The following SIRT3 variants were observed in gnomAD, a reference collection of about 807,000 sequenced individuals.
The protein encoded by SIRT3 is NAD-dependent protein deacetylase sirtuin-3, mitochondrial.
In SIRT3, 26 loss-of-function variants were observed where a neutral mutation model predicts 33.5. The observed-to-expected ratio is 0.78, with a 90% CI of 0.57 to 1.08. SIRT3 has a LOEUF of 1.08. Among genes scored for constraint, SIRT3 ranks in the 50% least tolerant of loss-of-function variants. The pLI, the probability that SIRT3 is intolerant of heterozygous loss-of-function variation, is 0.00. For synonymous variants in SIRT3, 237 were observed against 222.1 expected, an observed-to-expected ratio of 1.07 and a Z score of -0.60; for missense variants, 585 against 530.1, an observed-to-expected ratio of 1.10 and a Z score of -1.02.
At chr11:218,178 G>C (rs949609304) in intron 6 of SIRT3, among the ~76,000 whole-genome samples, 14 of 152,196 alleles carry the variant, frequency 9.2e-5, no homozygotes, top group Admixed American at 5.9e-4. Flanking sequence ...ATCCCCTTTG[G>C]ACAGTGTTAC....
chr11:235,940 G>T (rs1269689693), intron 1 of SIRT3, 108 bp downstream of exon 1: 5 of 1,245,028 alleles, frequency 4.0e-6, no homozygotes, highest in Non-Finnish European at 5.3e-6. Context: ...GTGTTGGAAC[G>T]CACGTAAACT....
At chr11:231,137 A>AG (rs1857932950) in intron 3 of SIRT3, among the ~76,000 whole-genome samples, 3 of 151,694 alleles carry the variant, frequency 2.0e-5, no homozygotes, top group Admixed American at 2.0e-4. Flanking sequence ...AAAAAAAAAA[A>AG]AAAATTACAC....
At chr11:221,949 TA>T (rs2133824722) in intron 5 of SIRT3, among the ~76,000 whole-genome samples, 1 of 152,084 alleles carries the variant, frequency 6.6e-6, no homozygotes, top group African/African-American at 2.4e-5. Context: ...TTGGTGGGAT[TA>T]AAAAGTTGAT....
chr11:236,103 GCA>G lies in SIRT3; in HGVS notation c.224_225del (p.Val75AlafsTer21), dbSNP rs1458104411. 3.2e-6 allele frequency: 5 copies of G among 1,579,086 alleles called. No homozygotes were observed. In the African/African-American group the frequency reaches 6.8e-5, roughly 21 times the overall value. ...CTCGGCTGCCTCCGGAATGCCCTGG[GCA>G]CCTCGGGTCTGGGAGGCCTCTGCAA... is the stretch of plus-strand genomic sequence containing the variant. Reference protein sequence around the residue: ...RPLQRPPRPEVPRAFRRQPRA... With the variant: ...RPLQRPPRPEXPRAFRRQPRA... On this transcript the variant is annotated frameshift_variant, in exon 1 of 7. Coordinates refer to ENST00000382743, the MANE Select transcript of SIRT3 (RefSeq NM_012239.6). LOFTEE classifies it high-confidence loss of function.
rs556681336 is a variant in SIRT3, at chr11:223,517, G to A, written c.969+561C>T. 4.1e-5 allele frequency: 14 copies of A among 340,846 alleles called. No homozygotes were observed. The highest frequency in any genetic ancestry group is 1.3e-4 in the African/African-American group (6 of 46,606). 21.1% of individuals were successfully genotyped at this position (340,846 alleles called of 1,614,324 possible). A position where few individuals can be genotyped will look rare whatever the true frequency, so the allele number is the denominator to read the frequency against. On this transcript the variant is annotated intron_variant, in intron 5 of 6. Transcript: ENST00000382743. The surrounding 1 kb of genome is among the most constrained non-coding windows in gnomAD (Gnocchi z 4.8). ...TCCCTGACCCCAAGGGTGCAGCTAC[G>A]TCCCCGGGCCAGTCCCTGTGGATTT...
Position 236,171 on chromosome 11 carries a change from C to G in SIRT3, c.158G>C (p.Ser53Thr). The G allele has an allele frequency of 6.4e-7, 1 of 1,565,456 alleles. No homozygotes were observed. Among genetic ancestry groups the G allele is most frequent in the East Asian group, 2.4e-5 (1 of 41,582 alleles). Residue 53 changes from serine (S) to threonine (T), a missense_variant, in exon 1 of 7, where the codon AGC becomes ACC. Ser to Thr is a moderately conservative substitution (Grantham distance 58, BLOSUM62 1). Transcript: ENST00000382743. ...CAAGGGCTCACCGCGGGCCCCATGG[C>G]TGCCTCTCAGCCCCGCACTCACATC... Reference protein sequence around the residue: ...RDDVSAGLRGSHGARGEPLDP... With the variant: ...RDDVSAGLRGTHGARGEPLDP...
At chr11:220,452 T>C (rs920124783) in intron 5 of SIRT3, among the ~76,000 whole-genome samples, 5 of 150,948 alleles carry the variant, frequency 3.3e-5, no homozygotes, top group East Asian at 1.9e-4. Flanking sequence ...CAATGAAAAA[T>C]GGTCAAGAGG....
intron 4 of SIRT3, among the ~76,000 whole-genome samples, chr11:227,798 T>A (rs11606108): frequency 0.16 from 24,162 of 151,964 alleles, 2,441 homozygotes; most frequent in Non-Finnish European, 0.22. Flanking sequence ...AATTTTTGTA[T>A]TTTTAGTAGA....
Position 223,689 on chromosome 11 carries a change from T to A in SIRT3, c.969+389A>T. The A allele has an allele frequency of 1.6e-6, 1 of 629,600 alleles. No homozygotes were observed. The highest frequency in any genetic ancestry group is 2.9e-6 in the Non-Finnish European group (1 of 345,362). The allele number at this position is 629,600 out of a possible 1,614,324, so 39.0% of individuals were successfully genotyped here. A position where few individuals can be genotyped will look rare whatever the true frequency, so the allele number is the denominator to read the frequency against. On this transcript the variant is annotated intron_variant, in intron 5 of 6. Transcript: ENST00000382743. This position sits in a 1 kb window ranked among gnomAD's most constrained non-coding sequence, Gnocchi z 4.8. Reference sequence around the variant, plus strand: ...TATACCACCTCCAAAGCCCAGCAGCTTCCCACCTTCCTGTCTCCTGCACAG... The same window carrying A: ...TATACCACCTCCAAAGCCCAGCAGCATCCCACCTTCCTGTCTCCTGCACAG...
In SIRT3 at chr11:233,459, G is replaced by GTCAC; in HGVS notation, c.353_356dup (p.Asp119GlufsTer2). The GTCAC allele has an allele frequency of 6.2e-7, 1 of 1,613,970 alleles. No individual in the cohort carries two copies. The highest frequency in any genetic ancestry group is 8.5e-7 in the Non-Finnish European group (1 of 1,179,990). ...CATCCTGCAGGGAAAGCTTCCCCTT[G>GTCAC]TCACTGCTGCCTCCACTTCCAACAA... is the stretch of plus-strand genomic sequence containing the variant. On this transcript the variant is annotated stop_gained and frameshift_variant, in exon 2 of 7. Transcript: ENST00000382743. LOFTEE classifies it high-confidence loss of function.
chr11:228,383 C>T (rs1463124084), intron 4 of SIRT3, among the ~76,000 whole-genome samples: 1 of 152,188 alleles, frequency 6.6e-6, no homozygotes, highest in Non-Finnish European at 1.5e-5. Context: ...TCAAAACTTA[C>T]TACAAAGCTA....
chr11:234,528 C>T (rs1456343106), intron 1 of SIRT3, among the ~76,000 whole-genome samples: 5 of 152,142 alleles, frequency 3.3e-5, no homozygotes, highest in African/African-American at 1.2e-4. Context: ...CATTCTCCTG[C>T]CTCAGCCTCC....
chr11:233,007 G>C lies in SIRT3; in HGVS notation c.682C>G (p.Gln228Glu). ...DKGLLLRLYT[Q>E]NIDGLERVSG... ...CCTCTCTCAAGCCCATCGATGTTCT[G>C]CGTGTAGAGCCGCAGAAGCAGCCCC... The change falls in exon 3 of 7, where the codon CAG (glutamine) becomes GAG (glutamate). Residue 228 changes from glutamine (Q) to glutamate (E), a missense_variant. Coordinates refer to ENST00000382743, the MANE Select transcript of SIRT3 (RefSeq NM_012239.6). 6.2e-7 allele frequency: 1 copy of C among 1,614,134 alleles called. No homozygotes were observed. The highest frequency in any genetic ancestry group is 8.5e-7 in the Non-Finnish European group (1 of 1,180,006).
rs1228940152 is a variant in SIRT3, at chr11:215,475, A to G, written c.*1223T>C. 1.3e-5 allele frequency: 2 copies of G among 152,230 alleles called. No individual in the cohort carries two copies. Among genetic ancestry groups the G allele is most frequent in the African/African-American group, 4.8e-5 (2 of 41,458 alleles). The allele number at this position is 152,230 out of a possible 1,614,324, so 9.4% of individuals were successfully genotyped here. Reference sequence around the variant, plus strand: ...CTTTTTAGAATTCAACAGTTTTCCTAGGTCACCAATTCCACCTTTTGTTCT... The same window carrying G: ...CTTTTTAGAATTCAACAGTTTTCCTGGGTCACCAATTCCACCTTTTGTTCT... On this transcript the variant is annotated 3_prime_UTR_variant, in exon 7 of 7. Coordinates refer to ENST00000382743, the MANE Select transcript of SIRT3 (RefSeq NM_012239.6).
chr11:236,706 C>G (rs1859214985), upstream of SIRT3: 2 of 376,706 alleles, frequency 5.3e-6, no homozygotes, highest in Admixed American at 4.5e-5. Context: ...CCTCGCAAAA[C>G]ACTACTGGGA....
chr11:232,405 C>A (rs997806594), intron 3 of SIRT3, among the ~76,000 whole-genome samples: 1 of 152,104 alleles, frequency 6.6e-6, no homozygotes, highest in Non-Finnish European at 1.5e-5. Flanking sequence ...AGGTGTGATC[C>A]CACACCTGTA....
At chr11:218,591 A>G (rs1015924193) in intron 6 of SIRT3, among the ~76,000 whole-genome samples, 1 of 152,206 alleles carries the variant, frequency 6.6e-6, no homozygotes, top group Non-Finnish European at 1.5e-5. Context: ...ATACAGACTC[A>G]TCAGCCCTGA....
intron 3 of SIRT3, among the ~76,000 whole-genome samples, chr11:231,105 A>AGAGAGC (rs1857921819): frequency 6.9e-6 from 1 of 145,350 alleles, no homozygotes; most frequent in African/African-American, 2.6e-5. Flanking sequence ...AGTTTGGGTA[A>AGAGAGC]GAGAGCGAGA....
At position 233,207 on chromosome 11, in the gene SIRT3, C is replaced by G; in HGVS notation, c.482G>C (p.Gly161Ala). The G allele has an allele frequency of 6.2e-7, 1 of 1,613,210 alleles. No individual in the cohort carries two copies. Among genetic ancestry groups the G allele is most frequent in the Non-Finnish European group, 8.5e-7 (1 of 1,179,448 alleles). Residue 161 changes from glycine (G) to alanine (A), a missense_variant, in exon 3 of 7, where the codon GGG (glycine) becomes GCG (alanine). Physicochemically the swap from Gly to Ala is moderately conservative, Grantham distance 60 (BLOSUM62 0). Transcript: ENST00000382743. ...CTGGAGGTTGCTGTACAGGCCACTCCCCGGCGATCTGCAGGGAGAGAAGAA... is the reference window on the plus strand; with the variant it reads ...CTGGAGGTTGCTGTACAGGCCACTCGCCGGCGATCTGCAGGGAGAGAAGAA... ...PSGIPDFRSP[G>A]SGLYSNLQQY...
Sources: allele counts gnomAD v4.1 joint callset (sites outside exome capture counted in the v4.1 genomes callset), GRCh38; gene constraint gnomAD v4.1.1; non-coding constraint Gnocchi (gnomAD v3.1); transcripts MANE v1.5; gene names NCBI Gene and HGNC (gene_info 2026-07-23, HGNC 2026-07-21).